The following PLA2R1 variants were observed in gnomAD, a reference collection of about 807,000 sequenced individuals.
PLA2R1 encodes phospholipase A2 receptor 1.
PLA2R1 carries 158 observed loss-of-function variants against 195.9 expected under a neutral mutation model. The observed-to-expected ratio is 0.81, with a 90% confidence interval of 0.71 to 0.92. The LOEUF (loss-of-function observed/expected upper bound fraction) is 0.92, where lower values mean the gene tolerates loss of function less well. PLA2R1 is among the 40% of genes least tolerant of loss of function. The probability of loss-of-function intolerance (pLI) is 0.00; values close to 1 mark genes in which losing one functional copy is unlikely to be tolerated. For missense variants in PLA2R1, 1,626 were observed against 1,764.6 expected (o/e 0.92, Z 1.41); for synonymous variants, 586 against 598.2 (o/e 0.98, Z 0.30).
intron 23 of PLA2R1, among the ~76,000 whole-genome samples, chr2:159,952,070 T>C (rs6750743): frequency 0.026 from 4,034 of 152,352 alleles, 161 homozygotes; most frequent in African/African-American, 0.087. Context: ...ATAGTCACTA[T>C]TATGCTTAAT....
chr2:160,020,274 T>C lies in PLA2R1; in HGVS notation c.1295-11A>G, dbSNP rs1693022843. 1.3e-6 allele frequency: 2 copies of C among 1,595,990 alleles called. No individual in the cohort carries two copies. Among genetic ancestry groups the C allele is most frequent in the Admixed American group, 3.4e-5 (2 of 58,894 alleles). On this transcript the variant is annotated splice_polypyrimidine_tract_variant and intron_variant, in intron 7 of 29. Transcript: ENST00000283243. ...TTTCTGATGCATTTTCTGTAAGAGA[T>C]AAATGTAAATTACTTATGGGATCCT...
intron 17 of PLA2R1, among the ~76,000 whole-genome samples, chr2:159,971,561 A>T (rs1689191807): frequency 6.6e-6 from 1 of 152,102 alleles, no homozygotes; most frequent in Non-Finnish European, 1.5e-5. Context: ...CTTTAACTAT[A>T]AAAGAGGAAG....
intron 2 of PLA2R1, among the ~76,000 whole-genome samples, 173 bp from the exon 3 acceptor site, chr2:160,042,371 T>C (rs1511222): frequency 0.78 from 118,249 of 152,204 alleles, 46,225 homozygotes; most frequent in East Asian, 0.96. Flanking sequence ...GGTGTGAGAC[T>C]GAGTGCTGGG....
rs755906853 is a variant in PLA2R1 at position 159,977,274 on chromosome 2, C to G, written c.2401+10G>C. On this transcript the variant is annotated intron_variant, in intron 15 of 29. Transcript: ENST00000283243. ...CAAACATATAGCAAAGATCTTACTA[C>G]TATTTTTACCTCTTGGGATTTTGCA... 6.2e-7 allele frequency: 1 copy of G among 1,602,218 alleles called. No individual in the cohort carries two copies. The highest frequency in any genetic ancestry group is 8.5e-7 in the Non-Finnish European group (1 of 1,170,584).
chr2:160,028,446 G>A (rs1256783945), intron 5 of PLA2R1, 85 bp from the exon 6 acceptor site: 2 of 945,644 alleles, frequency 2.1e-6, no homozygotes, highest in Admixed American at 4.4e-5. Context: ...AGCATCGGGG[G>A]ACAGCGTTTC....
At chr2:160,044,262 T>C (rs539809437) in intron 2 of PLA2R1, among the ~76,000 whole-genome samples, 85 of 152,292 alleles carry the variant, frequency 5.6e-4, no homozygotes, top group Non-Finnish European at 1.0e-3. Flanking sequence ...CAATAGTCTG[T>C]CATTTCTCTT....
At chr2:160,007,086 ATT>A in intron 10 of PLA2R1, among the ~76,000 whole-genome samples, 1 of 152,380 alleles carries the variant, frequency 6.6e-6, no homozygotes, top group South Asian at 2.1e-4. Context: ...AATAGCACAC[ATT>A]TGAAACAAGA....
At chr2:160,051,917 G>T (rs1695235564) in intron 1 of PLA2R1, among the ~76,000 whole-genome samples, 1 of 152,146 alleles carries the variant, frequency 6.6e-6, no homozygotes, top group Non-Finnish European at 1.5e-5. Flanking sequence ...AAACTTTTGA[G>T]TTCCTGTCAG....
chr2:160,049,208 T>C (rs1695071946), intron 1 of PLA2R1, among the ~76,000 whole-genome samples: 1 of 152,192 alleles, frequency 6.6e-6, no homozygotes, highest in African/African-American at 2.4e-5. Context: ...ACAGTGGTTC[T>C]ACTTTCTACT....
chr2:159,987,424 TC>T, intron 11 of PLA2R1, 66 bp from the exon 12 acceptor site: 3 of 1,111,462 alleles, frequency 2.7e-6, no homozygotes, highest in Non-Finnish European at 4.0e-6. Context: ...AGAAGACTGC[TC>T]TTTAGAGTGT....
chr2:159,955,088 T>C, intron 23 of PLA2R1, 111 bp downstream of exon 23: 2 of 762,680 alleles, frequency 2.6e-6, no homozygotes, highest in South Asian at 3.7e-5. Context: ...TGCCTGACAC[T>C]GTTAGCCAGG....
intron 17 of PLA2R1, among the ~76,000 whole-genome samples, chr2:159,971,148 C>CA (rs1485486519): frequency 6.6e-6 from 1 of 151,884 alleles, no homozygotes; most frequent in Non-Finnish European, 1.5e-5. Flanking sequence ...GGACACATTT[C>CA]AAAATATGTA....
At chr2:160,029,018 T>C (rs1693693011) in intron 4 of PLA2R1, 55 bp from the exon 5 acceptor site, 1 of 928,716 alleles carries the variant, frequency 1.1e-6, no homozygotes, top group African/African-American at 1.6e-5. Flanking sequence ...CACATCTTTC[T>C]TGTTCTCCTA....
At chr2:160,035,204 G>T (rs1694099543) in intron 3 of PLA2R1, among the ~76,000 whole-genome samples, 1 of 152,228 alleles carries the variant, frequency 6.6e-6, no homozygotes, top group African/African-American at 2.4e-5. Flanking sequence ...TGTACTGGCA[G>T]ACACAAGTCC....
At chr2:160,026,131 T>C (rs942151633) in intron 6 of PLA2R1, among the ~76,000 whole-genome samples, 2 of 152,202 alleles carry the variant, frequency 1.3e-5, no homozygotes, top group African/African-American at 4.8e-5. Context: ...TTGAATACTT[T>C]GAACATACAC....
intron 12 of PLA2R1, among the ~76,000 whole-genome samples, chr2:159,985,384 A>T (rs998312779): frequency 1.3e-5 from 2 of 152,206 alleles, no homozygotes; most frequent in African/African-American, 4.8e-5. Context: ...ATGCTGGGGA[A>T]CTTTTCCCCA....
chr2:159,983,070 GA>G (rs1690071542), intron 13 of PLA2R1, among the ~76,000 whole-genome samples: 1 of 152,162 alleles, frequency 6.6e-6, no homozygotes, highest in Admixed American at 6.5e-5. Context: ...TCACAGGAAG[GA>G]GACAAGATGA....
intron 1 of PLA2R1, among the ~76,000 whole-genome samples, chr2:160,047,310 C>T (rs1455192316): frequency 6.6e-6 from 1 of 152,148 alleles, no homozygotes; most frequent in African/African-American, 2.4e-5. Context: ...AAAAGCACAC[C>T]ACATACTACC....
At chr2:159,971,688 A>G (rs753996674) in intron 17 of PLA2R1, among the ~76,000 whole-genome samples, 8 of 152,212 alleles carry the variant, frequency 5.3e-5, no homozygotes, top group Non-Finnish European at 1.0e-4. Flanking sequence ...TGTTAATTTG[A>G]AGGCATTATA....
Sources: allele counts gnomAD v4.1 joint callset (sites outside exome capture counted in the v4.1 genomes callset), GRCh38; gene constraint gnomAD v4.1.1; transcripts MANE v1.5; gene names NCBI Gene and HGNC (gene_info 2026-07-23, HGNC 2026-07-21).